The following LAMA4 variants were observed in gnomAD, a reference collection of about 807,000 sequenced individuals.
The protein encoded by LAMA4 is laminin subunit alpha 4, also known as laminin subunit alpha-4.
A neutral mutation model predicts 207.1 loss-of-function variants in LAMA4; 127 were observed. That is an observed-to-expected ratio of 0.61 (90% CI 0.53 to 0.71). The LOEUF (loss-of-function observed/expected upper bound fraction) is 0.71. Ranked by LOEUF, LAMA4 falls within the 30% of genes least tolerant of loss-of-function variation. The probability of loss-of-function intolerance (pLI) is 0.00; values close to 1 mark genes in which losing one functional copy is unlikely to be tolerated. For synonymous variants in LAMA4, 761 were observed against 816.0 expected, an observed-to-expected ratio of 0.93 and a Z score of 1.15; for missense variants, 2,093 against 2,246.5, an observed-to-expected ratio of 0.93 and a Z score of 1.38.
Position 112,254,092 on chromosome 6 carries a change from G to A in LAMA4, c.59C>T (p.Ala20Val), listed in dbSNP as rs1060500981. 4 of 1,612,398 alleles carry A rather than the reference G, an allele frequency of 2.5e-6. No individual in the cohort carries two copies. In the African/African-American group the frequency reaches 4.0e-5, roughly 16 times the overall value. The change falls in exon 2 of 39, where the codon GCC becomes GTC. Residue 20 changes from alanine (A) to valine (V), a missense_variant. Ala to Val is a moderately conservative substitution (Grantham distance 64). Around this residue, in one of 3 missense-constraint regions of LAMA4, gnomAD observed 1,704 missense variants for 1,788.4 expected, o/e 0.95. Transcript: ENST00000230538. ...GTCCCCGGACGCGGCGCGGGAGCAG[G>A]CAGCGCTCCAGAGGAGCCACAGAGG... ...VLPLWLLWSA[A>V]CSRAASGDDN...
chr6:112,230,217 G>T (rs1785464745), intron 2 of LAMA4, among the ~76,000 whole-genome samples: 1 of 152,212 alleles, frequency 6.6e-6, no homozygotes, highest in African/African-American at 2.4e-5. Context: ...TTGAGTGAAT[G>T]AATGAATTTC....
chr6:112,218,456 G>T (rs1784752493), intron 2 of LAMA4: 1 of 152,182 alleles, frequency 6.6e-6, no homozygotes, highest in African/African-American at 2.4e-5. Context: ...ATTGCTCAAT[G>T]AACTCTTGGT....
intron 2 of LAMA4, among the ~76,000 whole-genome samples, chr6:112,246,954 GC>G (rs1199024499): frequency 6.6e-5 from 10 of 152,306 alleles, no homozygotes; most frequent in Non-Finnish European, 1.3e-4. Context: ...CTAAATGACA[GC>G]CTTCTTCTCC....
chr6:112,179,658 C>T (rs780132573), intron 9 of LAMA4: 42 of 182,322 alleles, frequency 2.3e-4, no homozygotes, highest in Non-Finnish European at 2.8e-4. Context: ...ATGATTTTAC[C>T]GGGAACGTTT....
rs1448284964 is a variant in LAMA4, at chr6:112,190,942, T to C, written c.718+694A>G. 1.0e-3 allele frequency among the ~76,000 whole-genome samples: 57 copies of C among 56,892 alleles called. 1 individual carries two copies. The highest frequency in any genetic ancestry group is 3.3e-3 in the African/African-American group (48 of 14,704). 37.3% of individuals were successfully genotyped at this position (56,892 alleles called of 152,430 possible). A position where few individuals can be genotyped will look rare whatever the true frequency, so the allele number is the denominator to read the frequency against. On this transcript the variant is annotated intron_variant, in intron 6 of 38. Coordinates refer to ENST00000230538, the MANE Select transcript of LAMA4 (RefSeq NM_001105206.3). ...TTCTTTCTTTCTTTCTTTCTTTCTT[T>C]CTTTCCTTTCTTTCTTTCTTTCTTT...
intron 9 of LAMA4, among the ~76,000 whole-genome samples, chr6:112,182,959 A>G (rs1205972485): frequency 6.6e-6 from 1 of 152,184 alleles, no homozygotes; most frequent in African/African-American, 2.4e-5. Context: ...GGAATCCCAG[A>G]CATAAGTGGT....
At chr6:112,129,841 A>G (rs1554328985) in intron 30 of LAMA4, 35 bp downstream of exon 30, 10 of 1,449,060 alleles carry the variant, frequency 6.9e-6, no homozygotes, top group Non-Finnish European at 9.5e-6. Context: ...TTATTTATCA[A>G]TCATGCAGAT....
intron 2 of LAMA4, among the ~76,000 whole-genome samples, chr6:112,244,145 A>G (rs1050425283): frequency 2.8e-4 from 43 of 152,236 alleles, no homozygotes; most frequent in African/African-American, 7.7e-4. Flanking sequence ...AACCAGCAGG[A>G]CTGGTTTCAC....
intron 5 of LAMA4, among the ~76,000 whole-genome samples, chr6:112,194,757 A>G (rs2114977261): frequency 6.6e-6 from 1 of 152,196 alleles, no homozygotes; most frequent in East Asian, 1.9e-4. Flanking sequence ...GCCTGCCCTC[A>G]AAGAACTAAC....
chr6:112,238,177 T>C (rs544292611), intron 2 of LAMA4, among the ~76,000 whole-genome samples: 2 of 152,206 alleles, frequency 1.3e-5, no homozygotes, highest in Non-Finnish European at 2.9e-5. Context: ...TCCTTCTATA[T>C]CCTTGAAGAG....
chr6:112,145,452 G>A (rs1470012801), intron 18 of LAMA4, among the ~76,000 whole-genome samples: 1 of 152,234 alleles, frequency 6.6e-6, no homozygotes, highest in African/African-American at 2.4e-5. Context: ...GAACTGGCTT[G>A]TACCTGGAAA....
intron 24 of LAMA4, among the ~76,000 whole-genome samples, chr6:112,137,364 A>T (rs1196698676): frequency 6.6e-6 from 1 of 151,782 alleles, no homozygotes; most frequent in Non-Finnish European, 1.5e-5. Context: ...ATACTAATTT[A>T]AAAAAACCTG....
At chr6:112,237,307 C>A (rs923536767) in intron 2 of LAMA4, among the ~76,000 whole-genome samples, 45 of 152,260 alleles carry the variant, frequency 3.0e-4, no homozygotes, top group African/African-American at 1.1e-3. Flanking sequence ...AGTACTGGCC[C>A]AAGGCAGACG....
At chr6:112,171,901 G>A (rs1283052745) in intron 12 of LAMA4, 2 of 152,320 alleles carry the variant, frequency 1.3e-5, no homozygotes, top group African/African-American at 4.8e-5. Context: ...TCGTGAATTT[G>A]CTCATAATTG....
At position 112,214,969 on chromosome 6, in the gene LAMA4, C is replaced by T. The variant is rs140524830; in HGVS notation, c.297+1399G>A. ...CTCAGTCTTGCATAATATTGACTGCCTAACAGCAGCTGATGTGCTTGACAG... is the reference window on the plus strand; with the variant it reads ...CTCAGTCTTGCATAATATTGACTGCTTAACAGCAGCTGATGTGCTTGACAG... On this transcript the variant is annotated intron_variant, in intron 3 of 38. Coordinates refer to ENST00000230538, the MANE Select transcript of LAMA4 (RefSeq NM_001105206.3). 1.7e-3 allele frequency among the ~76,000 whole-genome samples: 252 copies of T among 152,290 alleles called. 1 individual carries two copies. The highest frequency in any genetic ancestry group is 4.9e-3 in the African/African-American group (204 of 41,566).
At chr6:112,178,373 A>G (rs374670644) in intron 9 of LAMA4, 141 bp from the exon 10 acceptor site, 38 of 683,058 alleles carry the variant, frequency 5.6e-5, no homozygotes, top group East Asian at 2.5e-4. Flanking sequence ...ACATGAAATC[A>G]TCCCAAAAAT....
intron 4 of LAMA4, 126 bp from the exon 5 acceptor site, chr6:112,201,814 T>C (rs1334500224): frequency 1.2e-6 from 1 of 838,272 alleles, no homozygotes. Flanking sequence ...ATTTTCTTTA[T>C]TTAAACTTGT....
intron 18 of LAMA4, among the ~76,000 whole-genome samples, chr6:112,147,001 T>A (rs1357082655): frequency 6.6e-6 from 1 of 152,224 alleles, no homozygotes; most frequent in Non-Finnish European, 1.5e-5. Context: ...AGCCACCTTA[T>A]ATTAGAGTAC....
chr6:112,253,095 A>G (rs1787577995), intron 2 of LAMA4, among the ~76,000 whole-genome samples: 1 of 152,244 alleles, frequency 6.6e-6, no homozygotes, highest in Admixed American at 6.5e-5. Flanking sequence ...TGCTGTAACC[A>G]TAGCTATAGA....
Sources: gnomAD v4.1 joint callset for allele counts (sites outside exome capture counted in the v4.1 genomes callset) on GRCh38, gnomAD v4.1.1 for gene constraint, gnomAD v4.1.1 regional missense constraint, MANE v1.5 for transcripts, NCBI Gene and HGNC (gene_info 2026-07-23, HGNC 2026-07-21) for gene names.